The following SELENOI variants were observed in gnomAD, a reference collection of about 807,000 sequenced individuals.
The protein encoded by SELENOI is selenoprotein I, also known as ethanolaminephosphotransferase 1.
Under a neutral mutation model 50.7 loss-of-function variants are expected in SELENOI, and 24 were observed. The observed-to-expected ratio is 0.47, with a 90% CI of 0.34 to 0.67. SELENOI has a LOEUF of 0.67. Among genes scored for constraint, SELENOI ranks in the 30% least tolerant of loss-of-function variants. The probability of loss-of-function intolerance (pLI) is 0.01; values close to 1 mark genes in which losing one functional copy is unlikely to be tolerated. For synonymous variants in SELENOI, 155 were observed against 170.2 expected (o/e 0.91, Z 0.70); for missense variants, 352 against 461.4 (o/e 0.76, Z 2.17).
intron 1 of SELENOI, among the ~76,000 whole-genome samples, chr2:26,353,148 G>A (rs1676995489): frequency 6.6e-6 from 1 of 152,090 alleles, no homozygotes; most frequent in African/African-American, 2.4e-5. Flanking sequence ...AGGATGACTG[G>A]GTGGATAGAA....
chr2:26,360,351 T>C (rs1412231434), intron 1 of SELENOI, among the ~76,000 whole-genome samples: 1 of 152,236 alleles, frequency 6.6e-6, no homozygotes, highest in Non-Finnish European at 1.5e-5. Flanking sequence ...TCATCAGCTG[T>C]TATTGAATGT....
chr2:26,373,185 G>A (rs1277314579), intron 4 of SELENOI, among the ~76,000 whole-genome samples, 182 bp from the exon 5 acceptor site: 1 of 152,196 alleles, frequency 6.6e-6, no homozygotes, highest in East Asian at 1.9e-4. Flanking sequence ...CACTGTGCCT[G>A]GCCCTAAACT....
At chr2:26,350,278 G>T (rs987932754) in intron 1 of SELENOI, among the ~76,000 whole-genome samples, 6 of 152,104 alleles carry the variant, frequency 3.9e-5, no homozygotes, top group African/African-American at 1.4e-4. Context: ...GATTGTGTTT[G>T]CATCTTAATG....
chr2:26,349,965 C>G (rs1417516826), intron 1 of SELENOI, among the ~76,000 whole-genome samples: 1 of 146,182 alleles, frequency 6.8e-6, no homozygotes, highest in Non-Finnish European at 1.5e-5. Flanking sequence ...AAAAATTAGC[C>G]AGGCATGGTA....
In SELENOI at chr2:26,389,109, T is replaced by C. The variant is rs1187503243; in HGVS notation, c.*6T>C. 1 of 1,551,188 alleles carries C rather than the reference T, an allele frequency of 6.4e-7. No homozygotes were observed. Among genetic ancestry groups the C allele is most frequent in the South Asian group, 1.2e-5 (1 of 84,546 alleles). On this transcript the variant is annotated 3_prime_UTR_variant, in exon 10 of 10. Coordinates refer to ENST00000260585, the MANE Select transcript of SELENOI (RefSeq NM_033505.4). ...AAAAGAATATTGGCCTGTAATAATC[T>C]TTCTTTGGGCACAAAGAAGTACTGT...
At chr2:26,346,346 A>AG in intron 1 of SELENOI, 57 bp downstream of exon 1, 1 of 1,555,642 alleles carries the variant, frequency 6.4e-7, no homozygotes, top group Non-Finnish European at 8.7e-7. Context: ...CAGGCGGCTG[A>AG]GGGGCCCGCG....
intron 1 of SELENOI, among the ~76,000 whole-genome samples, chr2:26,353,159 G>C (rs1266985235): frequency 6.6e-6 from 1 of 152,170 alleles, no homozygotes; most frequent in Non-Finnish European, 1.5e-5. Flanking sequence ...GTGGATAGAA[G>C]TGGTAGTCAC....
At chr2:26,354,652 A>G (rs1052243452) in intron 1 of SELENOI, among the ~76,000 whole-genome samples, 4 of 151,880 alleles carry the variant, frequency 2.6e-5, no homozygotes, top group African/African-American at 7.3e-5. Flanking sequence ...TGGCCTTCCA[A>G]AGTGCTGGGA....
chr2:26,349,499 G>T (rs189144431), intron 1 of SELENOI, among the ~76,000 whole-genome samples: 1 of 148,910 alleles, frequency 6.7e-6, no homozygotes, highest in East Asian at 2.0e-4. Flanking sequence ...TTGAGACAGG[G>T]TTTCACATGT....
intron 9 of SELENOI, among the ~76,000 whole-genome samples, chr2:26,387,710 A>G (rs957080758): frequency 2.6e-5 from 4 of 151,636 alleles, no homozygotes; most frequent in African/African-American, 9.7e-5. Flanking sequence ...AAAAAAAAAA[A>G]AAAGAAAAAG....
chr2:26,360,300 G>T (rs1677148792), intron 1 of SELENOI, among the ~76,000 whole-genome samples: 1 of 152,156 alleles, frequency 6.6e-6, no homozygotes, highest in Non-Finnish European at 1.5e-5. Flanking sequence ...ACAGAGTTTT[G>T]CTGCCTTCTA....
intron 3 of SELENOI, among the ~76,000 whole-genome samples, chr2:26,366,612 T>C (rs982051284): frequency 6.6e-6 from 1 of 152,202 alleles, no homozygotes; most frequent in Non-Finnish European, 1.5e-5. Context: ...GACCCTAGAC[T>C]TTCTGATTCT....
At chr2:26,349,183 CTT>C (rs1038397192) in intron 1 of SELENOI, among the ~76,000 whole-genome samples, 1 of 149,038 alleles carries the variant, frequency 6.7e-6, no homozygotes. Context: ...ACCTGGCTAA[CTT>C]TGTATTTTTA....
chr2:26,347,352 A>G (rs747048104), intron 1 of SELENOI, among the ~76,000 whole-genome samples: 2 of 152,064 alleles, frequency 1.3e-5, no homozygotes, highest in Non-Finnish European at 2.9e-5. Context: ...GCACAGTGCT[A>G]TGTGCATACT....
intron 1 of SELENOI, among the ~76,000 whole-genome samples, chr2:26,347,333 A>G (rs1342568785): frequency 1.3e-5 from 2 of 152,086 alleles, no homozygotes; most frequent in Non-Finnish European, 2.9e-5. Context: ...GTGGACCATC[A>G]TGGCTTAAGC....
chr2:26,370,972 G>T, intron 4 of SELENOI, among the ~76,000 whole-genome samples: 1 of 129,206 alleles, frequency 7.7e-6, no homozygotes, highest in South Asian at 2.5e-4. Flanking sequence ...CTGGCCGGGC[G>T]GGGGGCTGAC....
intron 1 of SELENOI, among the ~76,000 whole-genome samples, chr2:26,362,459 T>C (rs1250938945): frequency 1.3e-5 from 2 of 152,046 alleles, no homozygotes; most frequent in African/African-American, 2.4e-5. Flanking sequence ...TGAACACACA[T>C]AGAAAATATA....
At chr2:26,373,876 C>T (rs941779042) in intron 5 of SELENOI, among the ~76,000 whole-genome samples, 5 of 152,038 alleles carry the variant, frequency 3.3e-5, no homozygotes, top group Non-Finnish European at 7.4e-5. Context: ...TGAGGCCTCC[C>T]GAGTAGCTGA....
At chr2:26,349,824 TTGTC>T (rs1332645681) in intron 1 of SELENOI, among the ~76,000 whole-genome samples, 1 of 151,060 alleles carries the variant, frequency 6.6e-6, no homozygotes, top group African/African-American at 2.4e-5. Flanking sequence ...AGAAAGTTAT[TTGTC>T]TGGGCACAGT....
Sources: allele counts gnomAD v4.1 joint callset (sites outside exome capture counted in the v4.1 genomes callset), GRCh38; gene constraint gnomAD v4.1.1; transcripts MANE v1.5; gene names NCBI Gene and HGNC (gene_info 2026-07-23, HGNC 2026-07-21).